ALG1L2: variants seen among roughly 807,000 people sequenced by gnomAD.
ALG1L2 encodes the protein ALG1 chitobiosyldiphosphodolichol beta-mannosyltransferase like 2.
In ALG1L2, 32 loss-of-function variants were observed where a neutral mutation model predicts 29.0. That is an observed-to-expected ratio of 1.10 (90% confidence interval 0.83 to 1.48). The LOEUF is 1.48. Among genes scored for constraint, ALG1L2 ranks in the 40% most tolerant of loss-of-function variants. ALG1L2 has a pLI of 0.00. For synonymous variants in ALG1L2, 110 were observed against 109.5 expected, an observed-to-expected ratio of 1.00 and a Z score of -0.03; for missense variants, 318 against 274.1, an observed-to-expected ratio of 1.16 and a Z score of -1.13.
chr3:130,089,245 G>T (rs186011501), intron 1 of ALG1L2, among the ~76,000 whole-genome samples: 12 of 152,350 alleles, frequency 7.9e-5, no homozygotes, highest in Admixed American at 7.2e-4. Context: ...CCTTTGTGAG[G>T]CACGCTTGAC....
chr3:130,084,275 T>G (rs1287249902), intron 1 of ALG1L2, among the ~76,000 whole-genome samples: 1 of 146,414 alleles, frequency 6.8e-6, no homozygotes, highest in Non-Finnish European at 1.5e-5. Flanking sequence ...CTGCACAACA[T>G]AGCGAGACCC....
intron 4 of ALG1L2, among the ~76,000 whole-genome samples, chr3:130,093,605 G>T (rs1010602511): frequency 1.3e-5 from 2 of 151,980 alleles, no homozygotes; most frequent in Non-Finnish European, 2.9e-5. Flanking sequence ...TGTATTTTTA[G>T]TAGAAACAGG....
chr3:130,094,129 G>T (rs886497521), intron 4 of ALG1L2: 4 of 481,884 alleles, frequency 8.3e-6, no homozygotes, highest in Admixed American at 3.3e-5. Context: ...GGGTGGTCGC[G>T]TGCCAGGCCA....
intron 1 of ALG1L2, among the ~76,000 whole-genome samples, chr3:130,086,333 A>T (rs1934890453): frequency 6.8e-6 from 1 of 146,298 alleles, no homozygotes; most frequent in African/African-American, 2.5e-5. Flanking sequence ...ACCTTCACAG[A>T]AATTATTCCT....
intron 5 of ALG1L2, among the ~76,000 whole-genome samples, chr3:130,095,195 T>C (rs1935103832): frequency 3.3e-5 from 5 of 152,080 alleles, no homozygotes. Flanking sequence ...AACACCTTGC[T>C]TATTTTTGTA....
At chr3:130,085,684 G>A (rs1378223405) in intron 1 of ALG1L2, among the ~76,000 whole-genome samples, 1 of 151,730 alleles carries the variant, frequency 6.6e-6, no homozygotes, top group African/African-American at 2.4e-5. Flanking sequence ...AGTCTTTTGT[G>A]GGAGAGGGGA....
chr3:130,097,530 A>G (rs1935170897), intron 7 of ALG1L2, among the ~76,000 whole-genome samples: 1 of 152,240 alleles, frequency 6.6e-6, no homozygotes. Context: ...GCTGCAGTTT[A>G]GGAAGTGATC....
intron 1 of ALG1L2, among the ~76,000 whole-genome samples, chr3:130,087,939 G>T (rs1172326053): frequency 6.6e-6 from 1 of 152,266 alleles, no homozygotes; most frequent in African/African-American, 2.4e-5. Context: ...ACACCCCAAG[G>T]TCATTCTAGT....
chr3:130,096,949 C>T (rs1167645071), intron 6 of ALG1L2, among the ~76,000 whole-genome samples: 2 of 152,172 alleles, frequency 1.3e-5, no homozygotes, highest in Non-Finnish European at 2.9e-5. Flanking sequence ...TACAAACCTT[C>T]CTTAAGGCTC....
chr3:130,082,537 C>A (rs1312025761), intron 1 of ALG1L2, among the ~76,000 whole-genome samples: 1 of 131,252 alleles, frequency 7.6e-6, no homozygotes, highest in African/African-American at 2.6e-5. Context: ...TGGGTTTCAC[C>A]ATATTGGCCA....
At chr3:130,096,989 G>A (rs985644812) in intron 6 of ALG1L2, among the ~76,000 whole-genome samples, 186 bp from the exon 7 acceptor site, 6 of 149,266 alleles carry the variant, frequency 4.0e-5, no homozygotes, top group Admixed American at 6.6e-5. Flanking sequence ...CCATTTTGAT[G>A]TGCACCCCCC....
rs1559789978 is a variant in ALG1L2 at position 130,098,322 on chromosome 3, G to C, written c.*67G>C. On this transcript the variant is annotated 3_prime_UTR_variant, in exon 8 of 8. Transcript: ENST00000425059. ...AGTCGCAGCAGCTCTGATGGGATGAGAGCTGGGTGCAGACTGTGCTCCCTT... is the reference window on the plus strand; with the variant it reads ...AGTCGCAGCAGCTCTGATGGGATGACAGCTGGGTGCAGACTGTGCTCCCTT... The C allele has an allele frequency of 6.3e-6, 10 of 1,596,338 alleles. No individual in the cohort carries two copies. Among genetic ancestry groups the C allele is most frequent in the Middle Eastern group, 4.5e-4 (2 of 4,450 alleles).
intron 5 of ALG1L2, among the ~76,000 whole-genome samples, chr3:130,095,629 A>C (rs1577330154): frequency 6.7e-6 from 1 of 149,334 alleles, no homozygotes; most frequent in South Asian, 2.1e-4. Context: ...TTTAGTAGAG[A>C]TGGGGTTTCA....
At chr3:130,086,504 A>G in intron 1 of ALG1L2, among the ~76,000 whole-genome samples, 1 of 149,878 alleles carries the variant, frequency 6.7e-6, no homozygotes, top group African/African-American at 2.5e-5. Context: ...TCGTCTCTAC[A>G]ACAACTAAAC....
rs201304472 is a variant in ALG1L2 at position 130,092,848 on chromosome 3, T to A, written c.254-253T>A. Among the ~76,000 whole-genome samples, 12 of 152,180 alleles carry A rather than the reference T, an allele frequency of 7.9e-5. No homozygotes were observed. In the East Asian group the frequency reaches 1.4e-3, roughly 17 times the overall value. ...GAGTTTGAGACCAACCTGGCCAACA[T>A]GGCGAAACCTGTCTCTACTAAAAAT... On this transcript the variant is annotated intron_variant, in intron 3 of 7. Coordinates refer to ENST00000425059, the MANE Select transcript of ALG1L2 (RefSeq NM_001136152.1).
intron 2 of ALG1L2, 38 bp downstream of exon 2, chr3:130,091,409 G>A (rs372868997): frequency 4.0e-5 from 63 of 1,574,380 alleles, no homozygotes; most frequent in African/African-American, 3.9e-4. Context: ...TCTCCTGCTC[G>A]CCACTGCCCT....
intron 1 of ALG1L2, chr3:130,091,016 C>A: frequency 2.0e-6 from 1 of 501,532 alleles, no homozygotes; most frequent in Non-Finnish European, 3.6e-6. Flanking sequence ...TTATCTTAGA[C>A]CTAGCCTGGT....
intron 5 of ALG1L2, among the ~76,000 whole-genome samples, 193 bp from the exon 6 acceptor site, chr3:130,095,856 G>A (rs1935118184): frequency 6.6e-6 from 1 of 152,208 alleles, no homozygotes; most frequent in Non-Finnish European, 1.5e-5. Flanking sequence ...TAGAAAAAGT[G>A]TCAACTTACA....
At chr3:130,093,339 G>C (rs1935060715) in intron 4 of ALG1L2, among the ~76,000 whole-genome samples, 179 bp downstream of exon 4, 1 of 152,040 alleles carries the variant, frequency 6.6e-6, no homozygotes, top group African/African-American at 2.4e-5. Context: ...TTTCACAGCA[G>C]GGCAGGGAGC....
Sources: gnomAD v4.1 joint callset for allele counts (sites outside exome capture counted in the v4.1 genomes callset) on GRCh38, gnomAD v4.1.1 for gene constraint, MANE v1.5 for transcripts, NCBI Gene and HGNC (gene_info 2026-07-23, HGNC 2026-07-21) for gene names.